The following PDE4D variants were observed in gnomAD, a reference collection of about 807,000 sequenced individuals.
PDE4D encodes 3',5'-cyclic-AMP phosphodiesterase 4D.
PDE4D carries 24 observed loss-of-function variants against 87.4 expected under a neutral mutation model. The ratio of observed to expected loss-of-function variants is 0.27; its 90% confidence interval spans 0.20 to 0.39. The LOEUF is 0.39. Ranked by LOEUF, PDE4D falls within the 10% of genes least tolerant of loss-of-function variation. The pLI, the probability that PDE4D is intolerant of heterozygous loss-of-function variation, is 1.00. For missense variants in PDE4D, 714 were observed against 1,041.0 expected, an observed-to-expected ratio of 0.69 and a Z score of 4.32; for synonymous variants, 384 against 383.2, an observed-to-expected ratio of 1.00 and a Z score of -0.02.
chr5:59,343,821 A>T (rs1043693377), intron 1 of PDE4D, among the ~76,000 whole-genome samples: 8 of 152,184 alleles, frequency 5.3e-5, no homozygotes, highest in Non-Finnish European at 1.0e-4. Context: ...AAGGTTGAGG[A>T]CCCATGAAGT....
At chr5:60,121,880 G>A (rs988628872) in intron 2 of PDE4D, among the ~76,000 whole-genome samples, 6 of 152,162 alleles carry the variant, frequency 3.9e-5, no homozygotes, top group Non-Finnish European at 7.3e-5. Flanking sequence ...CTATGAGCCC[G>A]TAAAATCAAA....
At chr5:59,155,222 A>T (rs1476336543) in intron 5 of PDE4D, among the ~76,000 whole-genome samples, 3 of 152,232 alleles carry the variant, frequency 2.0e-5, no homozygotes, top group African/African-American at 7.2e-5. Context: ...CAAAAAGAAC[A>T]TTCTAGAATA....
chr5:59,106,145 T>C (rs1771541328), intron 5 of PDE4D, among the ~76,000 whole-genome samples: 2 of 152,200 alleles, frequency 1.3e-5, no homozygotes, highest in Admixed American at 6.5e-5. Context: ...ACAGATAATG[T>C]ACATGCACAT....
At chr5:59,301,602 C>T (rs1468284696) in intron 1 of PDE4D, among the ~76,000 whole-genome samples, 2 of 151,962 alleles carry the variant, frequency 1.3e-5, no homozygotes, top group Admixed American at 1.3e-4. Flanking sequence ...GGCAAAGACA[C>T]ATTTTAGTGA....
At chr5:59,593,063 C>G (rs1203458898) in intron 1 of PDE4D, among the ~76,000 whole-genome samples, 1 of 151,012 alleles carries the variant, frequency 6.6e-6, no homozygotes, top group African/African-American at 2.4e-5. Context: ...TAATAAAATA[C>G]AGATCATTTG....
intron 3 of PDE4D, among the ~76,000 whole-genome samples, chr5:59,951,375 T>C (rs924018119): frequency 6.6e-6 from 1 of 152,222 alleles, no homozygotes; most frequent in Non-Finnish European, 1.5e-5. Context: ...AACTTTTTAC[T>C]TTTCCAAATA....
intron 1 of PDE4D, among the ~76,000 whole-genome samples, chr5:60,300,064 GT>G (rs977323180): frequency 6.6e-6 from 1 of 151,776 alleles, no homozygotes; most frequent in Admixed American, 6.6e-5. Flanking sequence ...AGTATCTGTT[GT>G]TTTTTTTATT....
intron 5 of PDE4D, among the ~76,000 whole-genome samples, chr5:59,103,353 G>A (rs532532607): frequency 6.6e-6 from 1 of 152,100 alleles, no homozygotes; most frequent in Non-Finnish European, 1.5e-5. Flanking sequence ...AGAATTAAGG[G>A]CAATTAGGTC....
At chr5:60,305,449 T>G (rs1357774123) in intron 1 of PDE4D, among the ~76,000 whole-genome samples, 1 of 151,490 alleles carries the variant, frequency 6.6e-6, no homozygotes, top group Non-Finnish European at 1.5e-5. Context: ...AAGAAAGAAT[T>G]GAAAAACAGA....
intron 6 of PDE4D, chr5:58,999,621 T>C: frequency 8.3e-7 from 1 of 1,203,168 alleles, no homozygotes. Flanking sequence ...CTCGACACTT[T>C]AACAACCTCC....
intron 1 of PDE4D, among the ~76,000 whole-genome samples, chr5:60,206,799 A>G (rs1434870068): frequency 1.3e-5 from 2 of 152,256 alleles, no homozygotes; most frequent in Admixed American, 1.3e-4. Context: ...TTAATAAAAC[A>G]ACCTCTACTC....
chr5:59,111,155 T>C (rs1772570221), intron 5 of PDE4D, among the ~76,000 whole-genome samples: 1 of 152,210 alleles, frequency 6.6e-6, no homozygotes, highest in African/African-American at 2.4e-5. Flanking sequence ...TCTTGGTGTC[T>C]CATAGAACTT....
At chr5:59,639,235 T>TA (rs1424912670) in intron 1 of PDE4D, among the ~76,000 whole-genome samples, 1 of 152,188 alleles carries the variant, frequency 6.6e-6, no homozygotes, top group Non-Finnish European at 1.5e-5. Context: ...TTCCTTTTTT[T>TA]ACTATAATAA....
intron 1 of PDE4D, among the ~76,000 whole-genome samples, chr5:59,586,032 T>C (rs1825058152): frequency 6.6e-6 from 1 of 152,216 alleles, no homozygotes; most frequent in African/African-American, 2.4e-5. Flanking sequence ...AGCCTCATCT[T>C]TAAAAAAATT....
intron 1 of PDE4D, among the ~76,000 whole-genome samples, chr5:59,672,022 C>T (rs1186770687): frequency 6.6e-6 from 1 of 152,050 alleles, no homozygotes; most frequent in African/African-American, 2.4e-5. Flanking sequence ...TGCTCGATAA[C>T]TCTATAGCAC....
chr5:60,398,611 C>T (rs1763056977), intron 1 of PDE4D, among the ~76,000 whole-genome samples: 1 of 152,132 alleles, frequency 6.6e-6, no homozygotes, highest in Non-Finnish European at 1.5e-5. Flanking sequence ...CTACAACACC[C>T]ATTGCATTGT....
chr5:60,117,742 G>C (rs1778295641), intron 2 of PDE4D, among the ~76,000 whole-genome samples: 3 of 151,338 alleles, frequency 2.0e-5, no homozygotes, highest in African/African-American at 7.3e-5. Flanking sequence ...AAGACCTCTG[G>C]CTCATAAAAA....
intron 1 of PDE4D, among the ~76,000 whole-genome samples, chr5:59,388,806 T>G (rs1210347112): frequency 6.6e-6 from 1 of 152,088 alleles, no homozygotes; most frequent in Non-Finnish European, 1.5e-5. Flanking sequence ...GTAAGGAACA[T>G]TAATAGCCTA....
intron 1 of PDE4D, among the ~76,000 whole-genome samples, chr5:60,437,128 C>T (rs544573516): frequency 9.3e-4 from 141 of 152,178 alleles, no homozygotes; most frequent in African/African-American, 3.2e-3. Context: ...AATATCTACT[C>T]TATCTGGTTG....
Sources: allele counts gnomAD v4.1 joint callset (sites outside exome capture counted in the v4.1 genomes callset), GRCh38; gene constraint gnomAD v4.1.1; transcripts MANE v1.5; gene names NCBI Gene and HGNC (gene_info 2026-07-23, HGNC 2026-07-21).